The following NYAP2 variants were observed in gnomAD, a reference collection of about 807,000 sequenced individuals.
NYAP2 encodes the protein neuronal tyrosine-phosphorylated phosphoinositide-3-kinase adapter 2.
A neutral mutation model predicts 50.4 loss-of-function variants in NYAP2; 23 were observed. The observed-to-expected ratio is 0.46, with a 90% CI of 0.33 to 0.65. The LOEUF is 0.65. Among genes scored for constraint, NYAP2 ranks in the 30% least tolerant of loss-of-function variants. The probability of loss-of-function intolerance (pLI) is 0.02; values close to 1 mark genes in which losing one functional copy is unlikely to be tolerated. For missense variants in NYAP2, 885 were observed against 861.0 expected, an observed-to-expected ratio of 1.03 and a Z score of -0.35; for synonymous variants, 394 against 365.2, an observed-to-expected ratio of 1.08 and a Z score of -0.90.
intron 6 of NYAP2, among the ~76,000 whole-genome samples, chr2:225,647,458 C>A (rs1243658276): frequency 6.6e-6 from 1 of 152,130 alleles, no homozygotes; most frequent in Non-Finnish European, 1.5e-5. Context: ...ACGTTAAACA[C>A]CCGCACAAAA....
At chr2:225,518,582 TTATATATA>T (rs375598039) in intron 4 of NYAP2, among the ~76,000 whole-genome samples, 1 of 71,710 alleles carries the variant, frequency 1.4e-5, no homozygotes, top group South Asian at 4.6e-4. Flanking sequence ...GCGTGTGCGC[TTATATATA>T]TATATATATA....
chr2:225,699,536 A>G, the NYAP2 span: 1 of 151,922 alleles, frequency 6.6e-6, no homozygotes, highest in African/African-American at 2.4e-5. Context: ...ATTCAACTAG[A>G]CCAGTTTACA....
intron 3 of NYAP2, among the ~76,000 whole-genome samples, chr2:225,449,604 T>TC (rs1485900403): frequency 9.2e-6 from 1 of 108,708 alleles, no homozygotes; most frequent in Non-Finnish European, 1.7e-5. Context: ...TCTTTCTCTT[T>TC]TTTTTTTTTT....
chr2:225,473,214 G>A (rs951616687), intron 3 of NYAP2, among the ~76,000 whole-genome samples: 8 of 152,138 alleles, frequency 5.3e-5, no homozygotes, highest in Non-Finnish European at 1.0e-4. Context: ...ATCATTGTTG[G>A]ACATTTGGGT....
intron 3 of NYAP2, among the ~76,000 whole-genome samples, chr2:225,488,341 AT>A (rs1386541666): frequency 5.3e-5 from 8 of 152,190 alleles, no homozygotes; most frequent in Admixed American, 2.0e-4. Context: ...TTATAAGCCA[AT>A]CACATAAACA....
chr2:225,677,115 G>A, the NYAP2 span, among the ~76,000 whole-genome samples: 3 of 152,016 alleles, frequency 2.0e-5, no homozygotes, highest in African/African-American at 4.8e-5. Flanking sequence ...TTTCCTTGTA[G>A]AGATCTTTCA....
At chr2:225,420,849 T>C (rs1186297740) in intron 3 of NYAP2, among the ~76,000 whole-genome samples, 4 of 152,172 alleles carry the variant, frequency 2.6e-5, no homozygotes, top group Non-Finnish European at 4.4e-5. Flanking sequence ...CTCTTTTACA[T>C]AGAGAATCAG....
intron 4 of NYAP2, among the ~76,000 whole-genome samples, chr2:225,547,731 T>C (rs1691608663): frequency 6.6e-6 from 1 of 152,204 alleles, no homozygotes; most frequent in East Asian, 1.9e-4. Context: ...TTTCCCACCC[T>C]CTTCAGTGCC....
chr2:225,538,998 C>T (rs914778122), intron 4 of NYAP2, among the ~76,000 whole-genome samples: 2 of 151,912 alleles, frequency 1.3e-5, no homozygotes, highest in African/African-American at 4.8e-5. Flanking sequence ...CTCCCCTAGC[C>T]CTTCACCTCC....
At chr2:225,486,370 A>G (rs1192699052) in intron 3 of NYAP2, among the ~76,000 whole-genome samples, 2 of 152,188 alleles carry the variant, frequency 1.3e-5, no homozygotes, top group Non-Finnish European at 2.9e-5. Context: ...TGAGCTGAAA[A>G]GAAAACTGCC....
At chr2:225,556,837 TA>T (rs1559213631) in intron 4 of NYAP2, among the ~76,000 whole-genome samples, 1 of 152,202 alleles carries the variant, frequency 6.6e-6, no homozygotes, top group East Asian at 1.9e-4. Context: ...TTAGTGATAC[TA>T]ATGATTATAA....
chr2:225,636,113 A>G (rs1188677766), intron 6 of NYAP2, among the ~76,000 whole-genome samples: 4 of 152,248 alleles, frequency 2.6e-5, no homozygotes, highest in Non-Finnish European at 5.9e-5. Context: ...AAAGCAGAAA[A>G]TAAAACAACC....
At position 225,588,436 on chromosome 2, in the gene NYAP2, C is replaced by T. The variant is rs149636410; in HGVS notation, c.1618+5401C>T. 8.6e-3 allele frequency among the ~76,000 whole-genome samples: 1,304 copies of T among 152,158 alleles called. 21 individuals are homozygous for T. The highest frequency in any genetic ancestry group is 0.029 in the African/African-American group (1,222 of 41,510). On this transcript the variant is annotated intron_variant, in intron 5 of 6. Transcript: ENST00000636099. Reference sequence around the variant, plus strand: ...TGAAAAACACCTAACCCCTGCCTCACATGGACATACAGGCCCACATACCTC... The same window carrying T: ...TGAAAAACACCTAACCCCTGCCTCATATGGACATACAGGCCCACATACCTC...
intron 5 of NYAP2, among the ~76,000 whole-genome samples, chr2:225,598,645 G>A (rs895102659): frequency 2.0e-5 from 3 of 152,154 alleles, no homozygotes; most frequent in African/African-American, 7.2e-5. Context: ...CAGAAGGAAT[G>A]CTAACCTCCT....
intron 4 of NYAP2, among the ~76,000 whole-genome samples, chr2:225,572,939 C>T (rs1692101510): frequency 6.6e-6 from 1 of 152,120 alleles, no homozygotes; most frequent in South Asian, 2.1e-4. Context: ...AATACCTTGT[C>T]TCTGATTTCA....
At chr2:225,432,366 G>GTT (rs1424133036) in intron 3 of NYAP2, among the ~76,000 whole-genome samples, 2 of 150,364 alleles carry the variant, frequency 1.3e-5, no homozygotes, top group African/African-American at 4.9e-5. Context: ...TTTGTACTGT[G>GTT]TTATATATAT....
intron 4 of NYAP2, among the ~76,000 whole-genome samples, chr2:225,572,035 C>T (rs904582197): frequency 2.0e-5 from 3 of 152,222 alleles, no homozygotes; most frequent in African/African-American, 7.2e-5. Flanking sequence ...CAAGAATCAC[C>T]TTTGCTCCAG....
intron 3 of NYAP2, among the ~76,000 whole-genome samples, chr2:225,502,799 T>C (rs1690630396): frequency 6.6e-6 from 1 of 152,174 alleles, no homozygotes; most frequent in South Asian, 2.1e-4. Flanking sequence ...ATACTTCTTG[T>C]GAGAGAACAT....
chr2:225,579,045 C>T (rs1282060705), intron 4 of NYAP2, among the ~76,000 whole-genome samples: 9 of 151,864 alleles, frequency 5.9e-5, no homozygotes, highest in Non-Finnish European at 5.9e-5. Flanking sequence ...CGCACACACA[C>T]GCGCGTGCAC....
Sources: allele counts gnomAD v4.1 joint callset (sites outside exome capture counted in the v4.1 genomes callset), GRCh38; gene constraint gnomAD v4.1.1; transcripts MANE v1.5; gene names NCBI Gene and HGNC (gene_info 2026-07-23, HGNC 2026-07-21).